Variants in PLEKHA5 observed in about 807,000 individuals in gnomAD.
The protein encoded by PLEKHA5 is pleckstrin homology domain-containing family A member 5.
In PLEKHA5, 55 loss-of-function variants were observed where a neutral mutation model predicts 181.9. The observed-to-expected ratio is 0.30, with a 90% CI of 0.24 to 0.38. The LOEUF is 0.38. PLEKHA5 is among the 10% of genes least tolerant of loss of function. The pLI, the probability that PLEKHA5 is intolerant of heterozygous loss-of-function variation, is 1.00. For missense variants in PLEKHA5, 1,432 were observed against 1,549.5 expected, an observed-to-expected ratio of 0.92 and a Z score of 1.27; for synonymous variants, 535 against 529.4, an observed-to-expected ratio of 1.01 and a Z score of -0.15.
chr12:19,307,029 T>TG, intron 15 of PLEKHA5: 1 of 1,486,588 alleles, frequency 6.7e-7, no homozygotes, highest in Non-Finnish European at 9.3e-7. Flanking sequence ...TTCCTGCCCT[T>TG]GCTGCGCTTG....
At chr12:19,198,777 T>G (rs533697788) in intron 3 of PLEKHA5, among the ~76,000 whole-genome samples, 2 of 152,298 alleles carry the variant, frequency 1.3e-5, no homozygotes, top group African/African-American at 4.8e-5. Flanking sequence ...CTATTCTGAT[T>G]TTGGGGAAAG....
At chr12:19,192,109 T>C (rs1240100804) in intron 3 of PLEKHA5, among the ~76,000 whole-genome samples, 3 of 152,108 alleles carry the variant, frequency 2.0e-5, no homozygotes, top group African/African-American at 7.2e-5. Flanking sequence ...AACAATTGAC[T>C]TGAATTTAAA....
At chr12:19,151,699 A>G (rs1395162294) in intron 3 of PLEKHA5, 1 of 152,064 alleles carries the variant, frequency 6.6e-6, no homozygotes, top group Non-Finnish European at 1.5e-5. Context: ...CTCTTTAGAG[A>G]TGGAAAACAT....
intron 3 of PLEKHA5, among the ~76,000 whole-genome samples, chr12:19,212,197 A>C (rs1404407276): frequency 6.6e-6 from 1 of 152,226 alleles, no homozygotes; most frequent in Non-Finnish European, 1.5e-5. Context: ...ATCACGTGGA[A>C]TAATCGCTTG....
intron 3 of PLEKHA5, among the ~76,000 whole-genome samples, chr12:19,218,715 A>G (rs934945900): frequency 6.6e-6 from 1 of 152,074 alleles, no homozygotes; most frequent in African/African-American, 2.4e-5. Context: ...TAATTTGTAT[A>G]TCTGAAACAG....
intron 3 of PLEKHA5, among the ~76,000 whole-genome samples, chr12:19,156,292 GTTT>G (rs1180265666): frequency 1.3e-5 from 2 of 151,238 alleles, no homozygotes; most frequent in Non-Finnish European, 2.9e-5. Context: ...TAATTAAAGA[GTTT>G]TTTATGGAGC....
intron 3 of PLEKHA5, among the ~76,000 whole-genome samples, chr12:19,145,191 TGA>T (rs1014223577): frequency 6.6e-6 from 1 of 151,590 alleles, no homozygotes; most frequent in Non-Finnish European, 1.5e-5. Flanking sequence ...TGTGTGTGTG[TGA>T]GAGAGAGAGA....
At chr12:19,281,111 C>A (rs767567671) in intron 11 of PLEKHA5, among the ~76,000 whole-genome samples, 2 of 151,946 alleles carry the variant, frequency 1.3e-5, no homozygotes, top group Admixed American at 6.6e-5. Context: ...TGGCATATAT[C>A]TGTAGTCCTA....
rs192720064 is a variant in PLEKHA5 at position 19,345,292 on chromosome 12, C to T, written c.2663-550C>T. On this transcript the variant is annotated intron_variant, in intron 22 of 31. Transcript: ENST00000429027. Reference sequence around the variant, plus strand: ...GCGTGCACCTATAGTCCCAGCTGCTCGGGAGGCTGAGGCAGAAGAATTGCT... The same window carrying T: ...GCGTGCACCTATAGTCCCAGCTGCTTGGGAGGCTGAGGCAGAAGAATTGCT... Among the ~76,000 whole-genome samples, 712 of 151,258 alleles carry T rather than the reference C, an allele frequency of 4.7e-3. 5 individuals are homozygous for T. Among genetic ancestry groups the T allele is most frequent in the African/African-American group, 0.016 (676 of 41,198 alleles).
intron 3 of PLEKHA5, among the ~76,000 whole-genome samples, chr12:19,132,869 G>T (rs1591759267): frequency 9.2e-6 from 1 of 108,174 alleles, no homozygotes; most frequent in African/African-American, 3.5e-5. Context: ...TTTGATCTTT[G>T]ATTATCTGTG....
chr12:19,306,450 T>C (rs1456117494), intron 15 of PLEKHA5: 3 of 605,248 alleles, frequency 5.0e-6, no homozygotes, highest in Non-Finnish European at 6.3e-6. Context: ...GGCTGTAGCA[T>C]CGGATACCCA....
At chr12:19,286,000 T>C (rs1208032534) in intron 12 of PLEKHA5, among the ~76,000 whole-genome samples, 1 of 152,202 alleles carries the variant, frequency 6.6e-6, no homozygotes, top group Admixed American at 6.5e-5. Context: ...TTTCTCAAAG[T>C]GAATGCTATC....
chr12:19,334,829 A>AAAAAAAAT, intron 20 of PLEKHA5, among the ~76,000 whole-genome samples: 2 of 18,600 alleles, frequency 1.1e-4, no homozygotes, highest in African/African-American at 2.4e-4. Flanking sequence ...AAAAAAAAAA[A>AAAAAAAAT]ATATATATAT....
At chr12:19,362,302 C>T (rs559086585) in intron 29 of PLEKHA5, among the ~76,000 whole-genome samples, 4 of 151,532 alleles carry the variant, frequency 2.6e-5, no homozygotes, top group African/African-American at 7.3e-5. Flanking sequence ...GGGAGGCCAA[C>T]GGGGGCAGAT....
At chr12:19,342,009 A>C (rs555626636) in intron 21 of PLEKHA5, among the ~76,000 whole-genome samples, 3 of 152,298 alleles carry the variant, frequency 2.0e-5, no homozygotes, top group Non-Finnish European at 2.9e-5. Flanking sequence ...CTGGGATTAT[A>C]GGTGTGAGCC....
intron 3 of PLEKHA5, chr12:19,152,927 G>C (rs928274948): frequency 6.6e-6 from 1 of 151,510 alleles, no homozygotes; most frequent in African/African-American, 2.4e-5. Context: ...CATTCCAAGA[G>C]ATCTTTTGAC....
chr12:19,162,654 G>A (rs1410255080), intron 3 of PLEKHA5, among the ~76,000 whole-genome samples: 3 of 151,546 alleles, frequency 2.0e-5, no homozygotes, highest in Admixed American at 1.3e-4. Context: ...ATGAACTTCA[G>A]CAACTTTATT....
rs769570393 is a variant in PLEKHA5, at chr12:19,269,811, T to G, written c.753T>G (p.Asp251Glu). 7 of 1,610,944 alleles carry G rather than the reference T, an allele frequency of 4.3e-6. No individual in the cohort carries two copies. Among genetic ancestry groups the G allele is most frequent in the Non-Finnish European group, 5.9e-6 (7 of 1,177,316 alleles). ...TGCGGACCTATTATTTCTGCACTGATACAGGAAAGGAAATGGAGTTGTGGA... is the reference window on the plus strand; with the variant it reads ...TGCGGACCTATTATTTCTGCACTGAGACAGGAAAGGAAATGGAGTTGTGGA... ...PNMRTYYFCTDTGKEMELWMK... is the reference protein window; with the variant it reads ...PNMRTYYFCTETGKEMELWMK... The change falls in exon 9 of 32, where the codon GAT becomes GAG. Residue 251 changes from aspartate to glutamate, a missense_variant. Physicochemically the swap from Asp to Glu is conservative, Grantham distance 45 (BLOSUM62 2). Coordinates refer to ENST00000429027, the MANE Select transcript of PLEKHA5 (RefSeq NM_001256470.2).
chr12:19,295,275 A>G (rs899136316), intron 15 of PLEKHA5, among the ~76,000 whole-genome samples: 4 of 152,356 alleles, frequency 2.6e-5, no homozygotes, highest in African/African-American at 9.6e-5. Context: ...AGTTTAAGTG[A>G]AACTTGCCAG....
Sources: gnomAD v4.1 joint callset for allele counts (sites outside exome capture counted in the v4.1 genomes callset) on GRCh38, gnomAD v4.1.1 for gene constraint, MANE v1.5 for transcripts, NCBI Gene and HGNC (gene_info 2026-07-23, HGNC 2026-07-21) for gene names.